The following MAN1A2 variants were observed in gnomAD, a reference collection of about 807,000 sequenced individuals.
MAN1A2 encodes mannosidase alpha class 1A member 2, also known as mannosyl-oligosaccharide 1,2-alpha-mannosidase IB.
A neutral mutation model predicts 75.7 loss-of-function variants in MAN1A2; 26 were observed. The observed-to-expected ratio is 0.34, with a 90% CI of 0.25 to 0.48. MAN1A2 has a LOEUF of 0.48. MAN1A2 is among the 20% of genes least tolerant of loss of function. The probability of loss-of-function intolerance (pLI) is 0.99; values close to 1 mark genes in which losing one functional copy is unlikely to be tolerated. For synonymous variants in MAN1A2, 247 were observed against 264.6 expected (o/e 0.93, Z 0.65); for missense variants, 562 against 775.5 (o/e 0.72, Z 3.27).
chr1:117,431,980 C>T (rs1030477304), intron 5 of MAN1A2, among the ~76,000 whole-genome samples: 1 of 151,872 alleles, frequency 6.6e-6, no homozygotes, highest in Non-Finnish European at 1.5e-5. Context: ...CGATCTTTGA[C>T]CATGATGGAA....
rs1420278376 is a variant in MAN1A2, at chr1:117,367,723, A to G, written c.-461A>G. The G allele has an allele frequency of 6.5e-6, 1 of 153,102 alleles. No individual in the cohort carries two copies. The highest frequency in any genetic ancestry group is 1.5e-5 in the Non-Finnish European group (1 of 68,770). 9.5% of individuals were successfully genotyped at this position (153,102 alleles called of 1,614,324 possible). A position where few individuals can be genotyped will look rare whatever the true frequency, so the allele number is the denominator to read the frequency against. On this transcript the variant is annotated 5_prime_UTR_variant, in exon 1 of 13. Transcript: ENST00000356554. ...GGAGACCCTTATTTTTTCCACCGCT[A>G]AGGTTAAGAGATTCTGGAATAGAAG...
chr1:117,499,439 T>C lies in MAN1A2; in HGVS notation c.1562T>C (p.Val521Ala). The C allele has an allele frequency of 1.2e-6, 2 of 1,605,518 alleles. No homozygotes were observed. Among genetic ancestry groups the C allele is most frequent in the Non-Finnish European group, 8.5e-7 (1 of 1,176,168 alleles). The stretch of plus-strand genomic sequence containing the variant: ...GATGGTGCAGTGGAGGCTGTGGCTG[T>C]CCGGCAGGCTGAAAAGTATTATATC... ...KFDGAVEAVA[V>A]RQAEKYYILR... The change falls in exon 11 of 13, where the codon GTC becomes GCC. Residue 521 changes from valine to alanine, a missense_variant. Around this residue, in one of 2 missense-constraint regions of MAN1A2, gnomAD observed 434 missense variants for 645.7 expected, o/e 0.67. Coordinates refer to ENST00000356554, the MANE Select transcript of MAN1A2 (RefSeq NM_006699.5).
intron 1 of MAN1A2, among the ~76,000 whole-genome samples, chr1:117,397,229 A>G (rs899779913): frequency 6.6e-6 from 1 of 152,136 alleles, no homozygotes; most frequent in African/African-American, 2.4e-5. Context: ...ACAAATAAAA[A>G]TAAATCTATA....
chr1:117,489,632 G>A (rs1042310103), intron 8 of MAN1A2, among the ~76,000 whole-genome samples: 2 of 151,836 alleles, frequency 1.3e-5, no homozygotes, highest in Non-Finnish European at 2.9e-5. Context: ...TTTAACGTAC[G>A]AAGCTATCCA....
chr1:117,377,842 TG>T (rs1653203975), intron 1 of MAN1A2, among the ~76,000 whole-genome samples: 1 of 152,220 alleles, frequency 6.6e-6, no homozygotes, highest in Non-Finnish European at 1.5e-5. Context: ...GGCTCATGCC[TG>T]TAATCCCAGC....
intron 8 of MAN1A2, among the ~76,000 whole-genome samples, chr1:117,468,320 C>G (rs879346550): frequency 3.9e-5 from 6 of 152,122 alleles, no homozygotes; most frequent in Non-Finnish European, 8.8e-5. Flanking sequence ...TACCCACTCT[C>G]CAGAGTGTAT....
chr1:117,446,888 T>A (rs1259456858), intron 6 of MAN1A2, among the ~76,000 whole-genome samples: 1 of 152,146 alleles, frequency 6.6e-6, no homozygotes, highest in African/African-American at 2.4e-5. Context: ...CCAAGTATGA[T>A]TGTGGAATTG....
At chr1:117,469,204 A>G (rs1650065590) in intron 8 of MAN1A2, among the ~76,000 whole-genome samples, 1 of 152,122 alleles carries the variant, frequency 6.6e-6, no homozygotes, top group Non-Finnish European at 1.5e-5. Context: ...CCAAATCCAA[A>G]AAACAGAACT....
intron 1 of MAN1A2, among the ~76,000 whole-genome samples, chr1:117,385,434 G>C (rs894320115): frequency 6.6e-6 from 1 of 152,130 alleles, no homozygotes; most frequent in African/African-American, 2.4e-5. Context: ...ATTATGGTCT[G>C]GTTGACTGCC....
intron 3 of MAN1A2, 114 bp from the exon 4 acceptor site, chr1:117,414,599 A>G (rs1263911141): frequency 3.4e-6 from 2 of 583,634 alleles, no homozygotes; most frequent in Non-Finnish European, 6.2e-6. Context: ...GTTTACCTTT[A>G]TACATAAATA....
intron 1 of MAN1A2, among the ~76,000 whole-genome samples, chr1:117,389,792 TG>T (rs1653661390): frequency 1.3e-5 from 2 of 151,420 alleles, no homozygotes; most frequent in African/African-American, 4.9e-5. Flanking sequence ...TTGATCTTAA[TG>T]GGGAAGCTTT....
At chr1:117,429,591 C>G (rs1485370878) in intron 5 of MAN1A2, among the ~76,000 whole-genome samples, 1 of 101,224 alleles carries the variant, frequency 9.9e-6, no homozygotes, top group Non-Finnish European at 2.1e-5. Flanking sequence ...CTGACCCCCC[C>G]ACCTCCCTCC....
intron 6 of MAN1A2, among the ~76,000 whole-genome samples, chr1:117,442,666 A>G (rs949657835): frequency 1.3e-5 from 2 of 152,186 alleles, no homozygotes; most frequent in African/African-American, 4.8e-5. Context: ...AATAGAGTCA[A>G]AGTACATCCT....
chr1:117,431,186 G>C (rs1463725900), intron 5 of MAN1A2, among the ~76,000 whole-genome samples: 3 of 106,834 alleles, frequency 2.8e-5, no homozygotes, highest in Admixed American at 1.8e-4. Context: ...GAGGGAGACC[G>C]TGGGGAGAGG....
At chr1:117,432,329 C>CA (rs1226815835) in intron 5 of MAN1A2, among the ~76,000 whole-genome samples, 1 of 151,592 alleles carries the variant, frequency 6.6e-6, no homozygotes. Flanking sequence ...GAAAATATTA[C>CA]AAAGTCGATT....
chr1:117,402,333 A>G lies in MAN1A2; in HGVS notation c.450A>G (p.Ile150Met). ...EKNKVVQEMK[I>M]KENKPLPPVP... The stretch of plus-strand genomic sequence containing the variant: ...ATAAGGTAGTCCAAGAAATGAAGAT[A>G]AAAGAGAACAAGCCACTGCCACCAG... The change falls in exon 2 of 13, where the codon ATA (isoleucine) becomes ATG (methionine). Residue 150 changes from isoleucine to methionine, a missense_variant. Physicochemically the swap from Ile to Met is conservative, Grantham distance 10. Coordinates refer to ENST00000356554, the MANE Select transcript of MAN1A2 (RefSeq NM_006699.5). The G allele has an allele frequency of 6.2e-7, 1 of 1,613,910 alleles. No homozygotes were observed. The highest frequency in any genetic ancestry group is 1.1e-5 in the South Asian group (1 of 91,062).
At chr1:117,502,717 T>G (rs1651239126) in intron 11 of MAN1A2, 138 bp from the exon 12 acceptor site, 4 of 591,506 alleles carry the variant, frequency 6.8e-6, no homozygotes, top group Non-Finnish European at 1.2e-5. Context: ...TATTTCCTTT[T>G]GATAATATAT....
chr1:117,480,939 G>A (rs1290090760), intron 8 of MAN1A2, among the ~76,000 whole-genome samples: 3 of 151,492 alleles, frequency 2.0e-5, no homozygotes, highest in South Asian at 2.1e-4. Flanking sequence ...CTAATGGTTC[G>A]TTACCTACAC....
intron 8 of MAN1A2, among the ~76,000 whole-genome samples, chr1:117,488,079 T>G (rs1432089830): frequency 2.6e-5 from 4 of 152,078 alleles, no homozygotes; most frequent in African/African-American, 9.7e-5. Context: ...TGTCTTCTAC[T>G]CCTCCAAGTG....
Sources: allele counts gnomAD v4.1 joint callset (sites outside exome capture counted in the v4.1 genomes callset), GRCh38; gene constraint gnomAD v4.1.1; regional missense constraint gnomAD v4.1.1; transcripts MANE v1.5; gene names NCBI Gene and HGNC (gene_info 2026-07-23, HGNC 2026-07-21).